Variants in PRH1 observed in about 807,000 individuals in gnomAD.
PRH1 encodes the protein salivary acidic proline-rich phosphoprotein 1/2.
In PRH1, 7 loss-of-function variants were observed where a neutral mutation model predicts 7.9. The ratio of observed to expected loss-of-function variants is 0.89; its 90% CI spans 0.50 to 1.67. The LOEUF is 1.67. Ranked by LOEUF, PRH1 falls within the 40% of genes most tolerant of loss-of-function variation. The probability of loss-of-function intolerance (pLI) is 0.00; values close to 1 mark genes in which losing one functional copy is unlikely to be tolerated. For synonymous variants in PRH1, 45 were observed against 80.8 expected (o/e 0.56, Z 2.38); for missense variants, 109 against 223.6 (o/e 0.49, Z 3.27).
At chr12:10,885,408 C>T (rs1949475986), upstream of PRH1, among the ~76,000 whole-genome samples, 1 of 151,766 alleles carries the variant, frequency 6.6e-6, no homozygotes, top group East Asian at 1.9e-4. Flanking sequence ...TTTTTTTCTC[C>T]CTACAAAGGT....
chr12:10,956,926 C>T (rs184327216), intron 2 of PRH1, among the ~76,000 whole-genome samples: 60 of 152,020 alleles, frequency 3.9e-4, no homozygotes, highest in Non-Finnish European at 5.7e-4. Context: ...CATGGACAAA[C>T]GGGAAAACGT....
chr12:11,077,832 C>T, intron 1 of PRH1: 2 of 1,042,618 alleles, frequency 1.9e-6, no homozygotes, highest in Non-Finnish European at 1.5e-6. Flanking sequence ...TCAAAAATAC[C>T]AAGGGACCCA....
At chr12:11,104,588 CCATTTGGAGGACTGAGA>C (rs1945357469) in intron 1 of PRH1, among the ~76,000 whole-genome samples, 4 of 151,824 alleles carry the variant, frequency 2.6e-5, no homozygotes, top group African/African-American at 7.2e-5. Flanking sequence ...ATTTCTTTAT[CCATTTGGAGGACTGAGA>C]CATTTGGAGG....
At chr12:11,049,105 G>A (rs971431243), upstream of PRH1, 3 of 401,936 alleles carry the variant, frequency 7.5e-6, no homozygotes, top group Non-Finnish European at 9.2e-6. Context: ...GACACCACCA[G>A]AGCAGTGAGA....
At chr12:11,043,866 C>T (rs1341567395) in intron 1 of PRH1, among the ~76,000 whole-genome samples, 1 of 152,144 alleles carries the variant, frequency 6.6e-6, no homozygotes, top group African/African-American at 2.4e-5. Flanking sequence ...GGCCATACTA[C>T]CCAAAGAATC....
intron 1 of PRH1, among the ~76,000 whole-genome samples, chr12:11,058,067 C>T (rs1330115610): frequency 6.6e-6 from 1 of 152,100 alleles, no homozygotes; most frequent in African/African-American, 2.4e-5. Context: ...GAAATCCCAG[C>T]CCTACAAAAA....
At chr12:11,059,038 C>A (rs1943480747) in intron 1 of PRH1, among the ~76,000 whole-genome samples, 1 of 152,196 alleles carries the variant, frequency 6.6e-6, no homozygotes, top group South Asian at 2.1e-4. Context: ...ACTTTCACAA[C>A]CTCCACCTAG....
chr12:10,987,339 T>C (rs1415482675), intron 1 of PRH1, among the ~76,000 whole-genome samples: 2 of 152,102 alleles, frequency 1.3e-5, no homozygotes, highest in East Asian at 3.8e-4. Context: ...AAGACCTTAG[T>C]CATAACTAGG....
chr12:11,124,182 G>A (rs1339325961), intron 1 of PRH1, among the ~76,000 whole-genome samples: 2 of 152,220 alleles, frequency 1.3e-5, no homozygotes, highest in African/African-American at 4.8e-5. Context: ...AACTCAATGA[G>A]TAGCACTGCA....
chr12:11,148,498 G>C (rs970003887), intron 1 of PRH1, among the ~76,000 whole-genome samples: 3 of 146,298 alleles, frequency 2.1e-5, no homozygotes, highest in South Asian at 2.2e-4. Flanking sequence ...TTAGCGTGAA[G>C]GTTGTTGAAT....
In PRH1 at chr12:11,133,572, T is replaced by C. The variant is rs769317612; in HGVS notation, n.40-12392A>G. The C allele has an allele frequency of 3.3e-5, 54 of 1,614,136 alleles. No individual in the cohort carries two copies. The highest frequency in any genetic ancestry group is 6.7e-5 in the Admixed American group (4 of 60,006). ...GAGGTCACAGTTTGCAAAGCTTTTA[T>C]GTGGACCTTGGTGCTGGGATCTTGA... On this transcript the variant is annotated intron_variant and non_coding_transcript_variant, in intron 1 of 1. Transcript: ENST00000541175.
intron 2 of PRH1, among the ~76,000 whole-genome samples, chr12:10,964,053 A>C (rs1287385237): frequency 6.6e-6 from 1 of 152,246 alleles, no homozygotes; most frequent in African/African-American, 2.4e-5. Flanking sequence ...TTGTGAAATA[A>C]GCTGTAAGTT....
chr12:10,915,068 C>T (rs929785092), intron 2 of PRH1, among the ~76,000 whole-genome samples: 1 of 152,166 alleles, frequency 6.6e-6, no homozygotes, highest in Non-Finnish European at 1.5e-5. Context: ...GCAGAGCTTG[C>T]AGTGAGCCAA....
intron 1 of PRH1, among the ~76,000 whole-genome samples, chr12:11,068,717 A>G (rs1943927682): frequency 1.3e-5 from 2 of 152,202 alleles, no homozygotes. Flanking sequence ...TTCCATCTGT[A>G]TATTTCTCTA....
chr12:11,123,962 GTTTT>G (rs1470021467), intron 1 of PRH1, among the ~76,000 whole-genome samples: 1 of 152,094 alleles, frequency 6.6e-6, no homozygotes. Context: ...TGATTTTGGG[GTTTT>G]TTGTTTTCTG....
At chr12:11,147,544 T>A (rs933553183) in intron 1 of PRH1, among the ~76,000 whole-genome samples, 6 of 152,212 alleles carry the variant, frequency 3.9e-5, no homozygotes, top group African/African-American at 1.4e-4. Flanking sequence ...ATACACTGTT[T>A]TTTGGTAAAT....
chr12:11,075,303 T>C (rs73062930), intron 1 of PRH1, among the ~76,000 whole-genome samples: 46,371 of 95,386 alleles, frequency 0.49, 8,058 homozygotes, highest in Non-Finnish European at 0.59. Context: ...GAAAATATCA[T>C]AATACAAATA....
Position 11,088,132 on chromosome 12 carries a change from G to A in PRH1, n.124-40944C>T, listed in dbSNP as rs191421522. Among the ~76,000 whole-genome samples, 1,181 of 129,878 alleles carry A rather than the reference G, an allele frequency of 9.1e-3. 21 individuals carry two copies. Among genetic ancestry groups the A allele is most frequent in the Non-Finnish European group, 0.015 (866 of 56,762 alleles). 85.2% of individuals were successfully genotyped at this position (129,878 alleles called of 152,430 possible). On this transcript the variant is annotated intron_variant and non_coding_transcript_variant, in intron 1 of 4. Transcript: ENST00000541977. Reference sequence around the variant, plus strand: ...GACACGGGAAGATCATTTGAGCCCAGGAGTTTGAGACCAGCCTGGGTAACA... The same window carrying A: ...GACACGGGAAGATCATTTGAGCCCAAGAGTTTGAGACCAGCCTGGGTAACA...
At chr12:10,938,839 C>T (rs1228790689) in intron 2 of PRH1, 1 of 1,613,630 alleles carries the variant, frequency 6.2e-7, no homozygotes, top group Non-Finnish European at 8.5e-7. Context: ...TAACCCTCCA[C>T]TTTAGGTAGA....
Sources: gnomAD v4.1 joint callset for allele counts (sites outside exome capture counted in the v4.1 genomes callset) on GRCh38, gnomAD v4.1.1 for gene constraint, MANE v1.5 for transcripts, NCBI Gene and HGNC (gene_info 2026-07-23, HGNC 2026-07-21) for gene names.